The following ACOXL variants were observed in gnomAD, a reference collection of about 807,000 sequenced individuals.
The protein encoded by ACOXL is acyl-coenzyme A oxidase-like protein.
A neutral mutation model predicts 71.9 loss-of-function variants in ACOXL; 70 were observed. The observed-to-expected ratio is 0.97, with a 90% CI of 0.80 to 1.19. The LOEUF (loss-of-function observed/expected upper bound fraction) is 1.19. ACOXL is among the 50% of genes most tolerant of loss of function. ACOXL has a pLI of 0.00. For missense variants in ACOXL, 703 were observed against 736.3 expected, an observed-to-expected ratio of 0.95 and a Z score of 0.52; for synonymous variants, 253 against 281.6, an observed-to-expected ratio of 0.90 and a Z score of 1.02.
At chr2:110,803,503 C>A (rs961707649) in intron 8 of ACOXL, among the ~76,000 whole-genome samples, 2 of 151,738 alleles carry the variant, frequency 1.3e-5, no homozygotes, top group Admixed American at 6.6e-5. Flanking sequence ...TACTGCCTAC[C>A]ATATACAAAA....
rs193200402 is a variant in ACOXL, at chr2:110,796,075, G to C, written c.345+1901G>C. 159 of 152,080 alleles carry C rather than the reference G, an allele frequency of 1.0e-3. 1 individual carries two copies. Among genetic ancestry groups the C allele is most frequent in the African/African-American group, 3.7e-3 (152 of 41,470 alleles). The allele number at this position is 152,080 out of a possible 1,614,324, so 9.4% of individuals were successfully genotyped here. ...CACCGAGAACTGACATAGCAGGAAT[G>C]TATTTCTCCCTTCACTGGGTTCTGT... On this transcript the variant is annotated intron_variant, in intron 5 of 17. Transcript: ENST00000439055.
intron 1 of ACOXL, among the ~76,000 whole-genome samples, chr2:110,756,851 C>CT (rs1679765026): frequency 6.6e-6 from 1 of 152,044 alleles, no homozygotes; most frequent in Non-Finnish European, 1.5e-5. Flanking sequence ...TATCACACAT[C>CT]TTTTTAAAAA....
intron 10 of ACOXL, among the ~76,000 whole-genome samples, chr2:110,894,963 T>G (rs2058948348): frequency 6.6e-6 from 1 of 152,198 alleles, no homozygotes; most frequent in Non-Finnish European, 1.5e-5. Flanking sequence ...AAATAAGATC[T>G]AGAGTCTCAC....
intron 14 of ACOXL, among the ~76,000 whole-genome samples, chr2:110,999,732 A>G (rs1167673093): frequency 2.0e-5 from 3 of 152,214 alleles, no homozygotes; most frequent in Admixed American, 6.5e-5. Context: ...AGAATGCCCT[A>G]TGGGAAGGCC....
intron 11 of ACOXL, among the ~76,000 whole-genome samples, chr2:110,912,860 A>G (rs949069759): frequency 2.0e-5 from 3 of 152,240 alleles, no homozygotes; most frequent in Non-Finnish European, 2.9e-5. Context: ...TATATCTGGT[A>G]TATACATCTG....
chr2:110,908,280 G>A (rs888412695), intron 10 of ACOXL, among the ~76,000 whole-genome samples: 1 of 152,212 alleles, frequency 6.6e-6, no homozygotes, highest in African/African-American at 2.4e-5. Flanking sequence ...GTGGGATATG[G>A]AGAACACCTT....
At chr2:111,101,108 G>A (rs2069127084) in intron 17 of ACOXL, 1 of 152,636 alleles carries the variant, frequency 6.6e-6, no homozygotes, top group South Asian at 2.1e-4. Flanking sequence ...AAGTGTGGTA[G>A]ACACCAGGCC....
At chr2:110,952,184 T>G (rs1397335062) in intron 12 of ACOXL, among the ~76,000 whole-genome samples, 1 of 152,244 alleles carries the variant, frequency 6.6e-6, no homozygotes, top group Non-Finnish European at 1.5e-5. Flanking sequence ...TCAGGTTTTC[T>G]GTTCTTGAGT....
At chr2:110,825,753 C>T (rs536009549) in intron 9 of ACOXL, among the ~76,000 whole-genome samples, 1 of 152,228 alleles carries the variant, frequency 6.6e-6, no homozygotes, top group East Asian at 1.9e-4. Context: ...CCTTGTACCC[C>T]ATGCAATGCT....
intron 1 of ACOXL, among the ~76,000 whole-genome samples, chr2:110,743,060 C>A (rs976250155): frequency 1.3e-5 from 2 of 152,198 alleles, no homozygotes; most frequent in African/African-American, 2.4e-5. Flanking sequence ...GAATCACTCC[C>A]TTTCACCCTT....
intron 15 of ACOXL, among the ~76,000 whole-genome samples, chr2:111,046,370 G>T (rs1339179773): frequency 6.6e-6 from 1 of 152,182 alleles, no homozygotes; most frequent in Non-Finnish European, 1.5e-5. Flanking sequence ...TACTCCCCAT[G>T]CTGGCCCTGG....
intron 14 of ACOXL, among the ~76,000 whole-genome samples, chr2:111,018,716 G>C (rs950731560): frequency 2.8e-4 from 42 of 151,988 alleles, no homozygotes; most frequent in African/African-American, 1.0e-3. Flanking sequence ...GCTGGAGGGG[G>C]TGTTGGTGGG....
At chr2:110,829,934 T>C (rs942503598) in intron 9 of ACOXL, among the ~76,000 whole-genome samples, 2 of 152,218 alleles carry the variant, frequency 1.3e-5, no homozygotes, top group African/African-American at 4.8e-5. Flanking sequence ...AGCCCTACTT[T>C]TGAGTGTTTG....
At chr2:111,051,268 G>C (rs570032843) in intron 16 of ACOXL, among the ~76,000 whole-genome samples, 1 of 152,106 alleles carries the variant, frequency 6.6e-6, no homozygotes, top group African/African-American at 2.4e-5. Flanking sequence ...TGTGACAATG[G>C]TATGCTGGGT....
Position 110,801,595 on chromosome 2 carries a change from A to C in ACOXL, c.548-57A>C, listed in dbSNP as rs1048120755. 36 of 1,475,526 alleles carry C rather than the reference A, an allele frequency of 2.4e-5. No homozygotes were observed. The South Asian group carries it at 4.0e-4, about 16-fold the overall frequency. The allele number at this position is 1,475,526 out of a possible 1,614,324, so 91.4% of individuals were successfully genotyped here. A position where few individuals can be genotyped will look rare whatever the true frequency, so the allele number is the denominator to read the frequency against. ...TATTTTAGTGGCGACAGGCCTGGGA[A>C]GTAGCAGGGAAAATACTTCTGATGC... On this transcript the variant is annotated intron_variant, in intron 7 of 17. Transcript: ENST00000439055.
chr2:110,855,110 G>A (rs943519523), intron 10 of ACOXL, among the ~76,000 whole-genome samples: 2 of 152,212 alleles, frequency 1.3e-5, no homozygotes, highest in African/African-American at 4.8e-5. Flanking sequence ...CTGCTCATAT[G>A]GAGGAAAATC....
At position 110,841,424 on chromosome 2, in the gene ACOXL, G is replaced by A; in HGVS notation, c.788+19G>A. The A allele has an allele frequency of 1.2e-6, 2 of 1,601,578 alleles. No individual in the cohort carries two copies. Among genetic ancestry groups the A allele is most frequent in the Non-Finnish European group, 1.7e-6 (2 of 1,171,968 alleles). Reference sequence around the variant, plus strand: ...GCCACAGGTAAATGTTTACATTTTTGTTTCTTTTAAGAATTATCCTTACCA... The same window carrying A: ...GCCACAGGTAAATGTTTACATTTTTATTTCTTTTAAGAATTATCCTTACCA... On this transcript the variant is annotated intron_variant, in intron 10 of 17. Coordinates refer to ENST00000439055, the MANE Select transcript of ACOXL (RefSeq NM_001142807.4).
At chr2:111,117,531 G>C (rs2070447138) in intron 17 of ACOXL, 85 bp from the exon 18 acceptor site, 1 of 1,396,190 alleles carries the variant, frequency 7.2e-7, no homozygotes, top group Non-Finnish European at 9.9e-7. Flanking sequence ...GTGTGTGCGG[G>C]TGCTTGGTGG....
rs75018937 is a variant in ACOXL, at chr2:110,751,719, T to C, written c.-22-16649T>C. On this transcript the variant is annotated intron_variant, in intron 1 of 17. Coordinates refer to ENST00000439055, the MANE Select transcript of ACOXL (RefSeq NM_001142807.4). ...CGCCCCAAAAAGTTCTCTTATACCC[T>C]TGCCAGTCAACCCTTGCCTCCACCC... Among the ~76,000 whole-genome samples, 913 of 152,320 alleles carry C rather than the reference T, an allele frequency of 6.0e-3. 12 individuals are homozygous for C. Among genetic ancestry groups the C allele is most frequent in the African/African-American group, 0.02 (852 of 41,572 alleles).
Sources: gnomAD v4.1 joint callset for allele counts (sites outside exome capture counted in the v4.1 genomes callset) on GRCh38, gnomAD v4.1.1 for gene constraint, MANE v1.5 for transcripts, NCBI Gene and HGNC (gene_info 2026-07-23, HGNC 2026-07-21) for gene names.